Variants in RANBP2 observed in about 807,000 individuals in gnomAD.
RANBP2 encodes the protein RAN binding protein 2.
Under a neutral mutation model 303.6 loss-of-function variants are expected in RANBP2, and 57 were observed. The ratio of observed to expected loss-of-function variants is 0.19; its 90% confidence interval spans 0.15 to 0.23. RANBP2 has a LOEUF of 0.23. RANBP2 is among the 10% of genes least tolerant of loss of function. The pLI, the probability that RANBP2 is intolerant of heterozygous loss-of-function variation, is 1.00. For synonymous variants in RANBP2, 1,167 were observed against 1,301.5 expected, an observed-to-expected ratio of 0.90 and a Z score of 2.23; for missense variants, 3,138 against 3,780.8, an observed-to-expected ratio of 0.83 and a Z score of 4.46.
chr2:108,740,532 G>A lies in RANBP2; in HGVS notation c.826G>A (p.Asp276Asn), dbSNP rs1478288803. The A allele has an allele frequency of 1.9e-6, 3 of 1,597,418 alleles. No individual in the cohort carries two copies. The African/African-American group carries it at 4.0e-5, about 21-fold the overall frequency. Residue 276 changes from aspartate to asparagine, a missense_variant, in exon 7 of 29, where the codon GAT becomes AAT. This residue lies in a region of RANBP2 where 306 missense variants were observed against 381.9 expected (regional missense o/e 0.80). Coordinates refer to ENST00000283195, the MANE Select transcript of RANBP2 (RefSeq NM_006267.5). ...LQSVKSLGGN[D>N]ELSATFLEMK... Reference sequence around the variant, plus strand: ...GTCTGTGAAATCTTTGGGTGGAAATGATGAACTGTCAGCTACTTTCTTAGA... The same window carrying A: ...GTCTGTGAAATCTTTGGGTGGAAATAATGAACTGTCAGCTACTTTCTTAGA...
At chr2:108,823,876 C>T in the RANBP2 span, among the ~76,000 whole-genome samples, 1 of 151,952 alleles carries the variant, frequency 6.6e-6, no homozygotes, top group Non-Finnish European at 1.5e-5. Context: ...ACTCGGGATG[C>T]TGAGGCAAGA....
chr2:109,039,409 A>G, the RANBP2 span, among the ~76,000 whole-genome samples: 1,029 of 152,088 alleles, frequency 6.8e-3, 6 homozygotes, highest in East Asian at 0.035. Context: ...GGAGTGCAGC[A>G]GCGCGATCTC....
At chr2:108,950,219 C>CCCTT in the RANBP2 span, among the ~76,000 whole-genome samples, 1 of 142,828 alleles carries the variant, frequency 7.0e-6, no homozygotes, top group South Asian at 2.3e-4. Flanking sequence ...CTCCCTCCCT[C>CCCTT]CCTTCCTTCC....
the RANBP2 span, among the ~76,000 whole-genome samples, chr2:108,826,752 A>G: frequency 1.3e-5 from 2 of 152,160 alleles, no homozygotes; most frequent in African/African-American, 4.8e-5. Flanking sequence ...TATGAATTTC[A>G]GGGGCAGCCT....
rs1052526699 is a variant in RANBP2, at chr2:108,753,926, A to T, written c.2157A>T (p.Ile719=). Residue 719 remains isoleucine, a synonymous_variant, in exon 15 of 29, where the codon ATA becomes ATT. Coordinates refer to ENST00000283195, the MANE Select transcript of RANBP2 (RefSeq NM_006267.5). ...NYLRKTRDYL[I]KIIDDSDSNL... ...TGAGAAAGACCAGGGACTACCTAATAAAGATTATAGATGACAGTGATTCAA... is the reference window on the plus strand; with the variant it reads ...TGAGAAAGACCAGGGACTACCTAATTAAGATTATAGATGACAGTGATTCAA... 8 of 1,611,920 alleles carry T rather than the reference A, an allele frequency of 5.0e-6. No homozygotes were observed. In the African/African-American group the frequency reaches 5.3e-5, roughly 11 times the overall value.
At chr2:109,367,595 T>C in the RANBP2 span, among the ~76,000 whole-genome samples, 1 of 152,248 alleles carries the variant, frequency 6.6e-6, no homozygotes, top group Non-Finnish European at 1.5e-5. Context: ...TTTTTGAATT[T>C]AATATTAACA....
chr2:109,478,245 C>T, the RANBP2 span, among the ~76,000 whole-genome samples: 2 of 152,262 alleles, frequency 1.3e-5, no homozygotes, highest in Non-Finnish European at 2.9e-5. Context: ...CATTCCTTCT[C>T]TCTCTCAGTT....
chr2:109,332,745 C>T, the RANBP2 span, among the ~76,000 whole-genome samples: 290 of 152,282 alleles, frequency 1.9e-3, 2 homozygotes, highest in Non-Finnish European at 1.2e-3. Context: ...AGCCACCCCG[C>T]CCCCAGGGTT....
the RANBP2 span, among the ~76,000 whole-genome samples, chr2:109,714,989 C>T: frequency 4.5e-5 from 6 of 133,692 alleles, no homozygotes; most frequent in Admixed American, 7.6e-5. Context: ...GGGGGCGGGG[C>T]GTGGAGTTTC....
the RANBP2 span, among the ~76,000 whole-genome samples, chr2:109,647,765 C>G: frequency 1.3e-5 from 2 of 152,182 alleles, no homozygotes; most frequent in Non-Finnish European, 2.9e-5. Flanking sequence ...CCACCCCGCC[C>G]GGCTCGGCTC....
At chr2:109,376,856 A>G in the RANBP2 span, among the ~76,000 whole-genome samples, 3 of 152,236 alleles carry the variant, frequency 2.0e-5, no homozygotes, top group South Asian at 2.1e-4. Flanking sequence ...GCGGGGAGGA[A>G]GAACCCCTTC....
chr2:109,160,354 A>G, the RANBP2 span, among the ~76,000 whole-genome samples: 1 of 152,234 alleles, frequency 6.6e-6, no homozygotes, highest in African/African-American at 2.4e-5. Flanking sequence ...TGAGAAGGCA[A>G]GAAACACATT....
chr2:109,479,532 G>A, the RANBP2 span, among the ~76,000 whole-genome samples: 24 of 152,006 alleles, frequency 1.6e-4, no homozygotes, highest in Non-Finnish European at 2.9e-4. Flanking sequence ...CTGGGGTGTC[G>A]GGATGTCCAG....
At chr2:109,070,799 G>A in the RANBP2 span, among the ~76,000 whole-genome samples, 1 of 151,234 alleles carries the variant, frequency 6.6e-6, no homozygotes, top group Non-Finnish European at 1.5e-5. Flanking sequence ...GGCAGAGGTT[G>A]CAGTGAGCCA....
chr2:108,873,911 T>TA, the RANBP2 span, among the ~76,000 whole-genome samples: 7 of 151,598 alleles, frequency 4.6e-5, no homozygotes, highest in African/African-American at 1.2e-4. Flanking sequence ...CTTTGATTAT[T>TA]AAAAAAAAAT....
chr2:109,313,305 G>A, the RANBP2 span, among the ~76,000 whole-genome samples: 1 of 152,208 alleles, frequency 6.6e-6, no homozygotes, highest in African/African-American at 2.4e-5. Flanking sequence ...TCCATCCCAA[G>A]GGGGGAGGCT....
chr2:109,464,188 G>A, the RANBP2 span, among the ~76,000 whole-genome samples: 3 of 152,126 alleles, frequency 2.0e-5, no homozygotes, highest in African/African-American at 7.2e-5. Context: ...TTGTTTTATG[G>A]CTGGACTGAC....
the RANBP2 span, among the ~76,000 whole-genome samples, chr2:108,881,223 C>G: frequency 6.6e-6 from 1 of 152,246 alleles, no homozygotes; most frequent in Non-Finnish European, 1.5e-5. Flanking sequence ...TACACCAGCA[C>G]TTGTTGCTTC....
At chr2:108,983,151 C>T in the RANBP2 span, among the ~76,000 whole-genome samples, 5 of 152,198 alleles carry the variant, frequency 3.3e-5, no homozygotes, top group Non-Finnish European at 7.4e-5. Context: ...CTTGGAGATA[C>T]AGGCTTTCTG....
Sources: gnomAD v4.1 joint callset for allele counts (sites outside exome capture counted in the v4.1 genomes callset) on GRCh38, gnomAD v4.1.1 for gene constraint, gnomAD v4.1.1 regional missense constraint, MANE v1.5 for transcripts, NCBI Gene and HGNC (gene_info 2026-07-23, HGNC 2026-07-21) for gene names.